FRY: variants seen among roughly 807,000 people sequenced by gnomAD.
The protein encoded by FRY is protein furry homolog.
In FRY, 128 loss-of-function variants were observed where a neutral mutation model predicts 348.4. The ratio of observed to expected loss-of-function variants is 0.37; its 90% confidence interval spans 0.32 to 0.43. The LOEUF (loss-of-function observed/expected upper bound fraction) is 0.43. Among genes scored for constraint, FRY ranks in the 20% least tolerant of loss-of-function variants. The pLI is 1.00. For synonymous variants in FRY, 1,370 were observed against 1,374.7 expected (o/e 1.00, Z 0.08); for missense variants, 2,736 against 3,695.2 (o/e 0.74, Z 6.73).
intron 1 of FRY, among the ~76,000 whole-genome samples, chr13:32,074,167 A>T (rs1414102065): frequency 6.6e-6 from 1 of 152,242 alleles, no homozygotes; most frequent in African/African-American, 2.4e-5. Flanking sequence ...TAATTTAAGG[A>T]ATGGGCCCTG....
At chr13:32,093,185 A>G (rs1876447362) in intron 2 of FRY, among the ~76,000 whole-genome samples, 1 of 152,232 alleles carries the variant, frequency 6.6e-6, no homozygotes, top group African/African-American at 2.4e-5. Flanking sequence ...ATCTCTAAAA[A>G]AATTCTTCTC....
intron 29 of FRY, among the ~76,000 whole-genome samples, chr13:32,196,492 A>G (rs1289007606): frequency 6.6e-6 from 1 of 152,198 alleles, no homozygotes; most frequent in Non-Finnish European, 1.5e-5. Context: ...ATCAGTGTTC[A>G]TTAGCTGTGG....
chr13:32,070,727 T>C (rs539653771), intron 1 of FRY, among the ~76,000 whole-genome samples: 1 of 152,328 alleles, frequency 6.6e-6, no homozygotes, highest in African/African-American at 2.4e-5. Flanking sequence ...TAGATCCCAT[T>C]TGTCTATTTT....
In FRY at chr13:32,234,683, A is replaced by G. The variant is rs115879815; in HGVS notation, c.5637A>G (p.Gln1879=). The G allele has an allele frequency of 1.0e-4, 162 of 1,614,070 alleles. No individual in the cohort carries two copies. The African/African-American group carries it at 1.9e-3, about 19-fold the overall frequency. ...RSFQIFRALK[Q]PLSAHALSDL... ...TCCAGATATTCCGGGCCCTCAAGCA[A>G]CCTCTGTCAGCACATGCCTTATCTG... The change falls in exon 42 of 61, where the codon CAA becomes CAG. Residue 1879 remains glutamine (Q), a synonymous_variant. Coordinates refer to ENST00000542859, the MANE Select transcript of FRY (RefSeq NM_023037.3).
At chr13:32,155,866 T>C (rs1201685184) in intron 15 of FRY, among the ~76,000 whole-genome samples, 1 of 152,236 alleles carries the variant, frequency 6.6e-6, no homozygotes, top group African/African-American at 2.4e-5. Flanking sequence ...GTAAATATTT[T>C]GGCATTTAAA....
intron 58 of FRY, 157 bp downstream of exon 58, chr13:32,278,705 A>G (rs1888666178): frequency 1.3e-6 from 1 of 744,894 alleles, no homozygotes; most frequent in African/African-American, 1.7e-5. Context: ...AATGCCTTCC[A>G]GCATGACTGT....
At chr13:32,074,204 G>T (rs1030856355) in intron 1 of FRY, among the ~76,000 whole-genome samples, 1 of 152,136 alleles carries the variant, frequency 6.6e-6, no homozygotes, top group African/African-American at 2.4e-5. Flanking sequence ...GAGACCCAGT[G>T]AACACGGGAA....
chr13:32,092,300 A>C (rs1225849459), intron 2 of FRY, among the ~76,000 whole-genome samples: 7 of 152,194 alleles, frequency 4.6e-5, no homozygotes, highest in Non-Finnish European at 7.3e-5. Context: ...TAATACCTCA[A>C]ATAAAACACG....
chr13:32,290,000 G>A (rs977726417), intron 59 of FRY, among the ~76,000 whole-genome samples: 1 of 152,116 alleles, frequency 6.6e-6, no homozygotes, highest in Non-Finnish European at 1.5e-5. Flanking sequence ...TGTGGGTTAC[G>A]GCCTAGGTGC....
chr13:32,118,668 A>G (rs1235457364), intron 4 of FRY, among the ~76,000 whole-genome samples: 4 of 152,160 alleles, frequency 2.6e-5, no homozygotes, highest in Non-Finnish European at 5.9e-5. Context: ...TGTTTTTAGT[A>G]TATTTACAGG....
chr13:32,267,738 TTTCTC>T, intron 55 of FRY, among the ~76,000 whole-genome samples: 1 of 152,300 alleles, frequency 6.6e-6, no homozygotes, highest in East Asian at 1.9e-4. Flanking sequence ...TTCCTTGTCT[TTTCTC>T]ATTTCCCACT....
chr13:32,207,865 C>G (rs1349517139), intron 31 of FRY, among the ~76,000 whole-genome samples: 2 of 152,156 alleles, frequency 1.3e-5, no homozygotes, highest in Admixed American at 6.5e-5. Context: ...GATTGCATTG[C>G]CACACTGGAT....
At chr13:32,131,499 T>G (rs56250707) in intron 7 of FRY, among the ~76,000 whole-genome samples, 173 bp from the exon 8 acceptor site, 247 of 152,250 alleles carry the variant, frequency 1.6e-3, no homozygotes, top group Non-Finnish European at 3.1e-3. Context: ...GAGAAGAAAA[T>G]TGGATCCTTT....
rs141685280 is a variant in FRY, at chr13:32,050,428, T to C, written c.70+18563T>C. On this transcript the variant is annotated intron_variant, in intron 1 of 60. Coordinates refer to ENST00000542859, the MANE Select transcript of FRY (RefSeq NM_023037.3). Reference sequence around the variant, plus strand: ...GGTGCTTTTATTATATTCAGAATTATATATGGCTTGGTCCTGCAGTGACAC... The same window carrying C: ...GGTGCTTTTATTATATTCAGAATTACATATGGCTTGGTCCTGCAGTGACAC... Among the ~76,000 whole-genome samples, 14 of 152,332 alleles carry C rather than the reference T, an allele frequency of 9.2e-5. No individual in the cohort carries two copies. The East Asian group carries it at 2.7e-3, about 29-fold the overall frequency.
At chr13:32,222,962 CT>C (rs1047575171) in intron 36 of FRY, among the ~76,000 whole-genome samples, 5 of 142,682 alleles carry the variant, frequency 3.5e-5, no homozygotes, top group African/African-American at 1.2e-4. Flanking sequence ...TGAAATTGTG[CT>C]TTTTTTTTGA....
intron 2 of FRY, chr13:32,085,850 T>C: frequency 1.9e-6 from 1 of 518,832 alleles, no homozygotes; most frequent in Admixed American, 1.9e-5. Flanking sequence ...TGCCATGGCA[T>C]TGACAGAGAC....
intron 29 of FRY, 108 bp downstream of exon 29, chr13:32,194,405 A>T: frequency 1.0e-6 from 1 of 972,932 alleles, no homozygotes; most frequent in East Asian, 2.4e-5. Flanking sequence ...AGTAAGTTCT[A>T]TGAGAATATA....
At chr13:32,128,981 C>T (rs1289180301) in intron 7 of FRY, among the ~76,000 whole-genome samples, 1 of 152,200 alleles carries the variant, frequency 6.6e-6, no homozygotes, top group Non-Finnish European at 1.5e-5. Flanking sequence ...GAAGTCCAAG[C>T]TCAAGGTGTT....
chr13:32,125,479 G>C (rs1003524155), intron 7 of FRY, among the ~76,000 whole-genome samples: 1 of 152,132 alleles, frequency 6.6e-6, no homozygotes, highest in African/African-American at 2.4e-5. Flanking sequence ...GTCCAACCCT[G>C]AGGCAAATCA....
Sources: allele counts gnomAD v4.1 joint callset (sites outside exome capture counted in the v4.1 genomes callset), GRCh38; gene constraint gnomAD v4.1.1; transcripts MANE v1.5; gene names NCBI Gene and HGNC (gene_info 2026-07-23, HGNC 2026-07-21).